Variants in ZMYM1 observed in about 807,000 individuals in gnomAD.
The protein encoded by ZMYM1 is zinc finger MYM-type containing 1, also known as zinc finger MYM-type protein 1.
In ZMYM1, 39 loss-of-function variants were observed where a neutral mutation model predicts 60.0. That is an observed-to-expected ratio of 0.65 (90% CI 0.50 to 0.85). The LOEUF is 0.85. Among genes scored for constraint, ZMYM1 ranks in the 40% least tolerant of loss-of-function variants. ZMYM1 has a pLI of 0.00. For missense variants in ZMYM1, 1,171 were observed against 1,309.5 expected (o/e 0.89, Z 1.63); for synonymous variants, 413 against 454.0 (o/e 0.91, Z 1.15).
intron 4 of ZMYM1, among the ~76,000 whole-genome samples, chr1:35,098,221 ATAT>A (rs1479539810): frequency 6.6e-6 from 1 of 152,188 alleles, no homozygotes; most frequent in African/African-American, 2.4e-5. Flanking sequence ...ATGTGGAATA[ATAT>A]TATATTTCTT....
At chr1:35,064,007 A>C (rs1235298613) in intron 1 of ZMYM1, among the ~76,000 whole-genome samples, 1 of 152,160 alleles carries the variant, frequency 6.6e-6, no homozygotes, top group Admixed American at 6.5e-5. Context: ...TATCCAGTAC[A>C]TCTGTAATCT....
In ZMYM1 at chr1:35,066,823, C is replaced by G. The variant is rs934064730; in HGVS notation, c.-301+6898C>G. Among the ~76,000 whole-genome samples the G allele has an allele frequency of 3.9e-5, 6 of 151,902 alleles. No individual in the cohort carries two copies. In the South Asian group the frequency reaches 1.0e-3, roughly 26 times the overall value. On this transcript the variant is annotated intron_variant, in intron 1 of 10. Coordinates refer to the ZMYM1 transcript ENST00000417119. Reference sequence around the variant, plus strand: ...TGGAGCCCAGGAGTTCAAGGCCAGCCTGGGCAACATAGCAAGACCCCATCT... The same window carrying G: ...TGGAGCCCAGGAGTTCAAGGCCAGCGTGGGCAACATAGCAAGACCCCATCT...
At chr1:35,108,498 C>G (rs975306729) in intron 6 of ZMYM1, among the ~76,000 whole-genome samples, 1 of 151,634 alleles carries the variant, frequency 6.6e-6, no homozygotes, top group Admixed American at 6.6e-5. Flanking sequence ...GTTACTTGGG[C>G]GCACACCACC....
At chr1:35,098,298 C>G (rs923040845) in intron 4 of ZMYM1, among the ~76,000 whole-genome samples, 1 of 152,036 alleles carries the variant, frequency 6.6e-6, no homozygotes. Context: ...CTACATGTCT[C>G]TATGTAATCT....
At chr1:35,074,187 T>C (rs1363699131) in intron 1 of ZMYM1, among the ~76,000 whole-genome samples, 3 of 152,176 alleles carry the variant, frequency 2.0e-5, no homozygotes, top group African/African-American at 7.2e-5. Context: ...ATTTCTGAAG[T>C]TTTTCTTATT....
chr1:35,086,414 C>T (rs1354788349), intron 1 of ZMYM1, among the ~76,000 whole-genome samples: 1 of 152,104 alleles, frequency 6.6e-6, no homozygotes, highest in African/African-American at 2.4e-5. Context: ...AGGTGATCCT[C>T]CTGCCTCAGC....
intron 1 of ZMYM1, among the ~76,000 whole-genome samples, chr1:35,061,160 A>C (rs1218433941): frequency 6.6e-6 from 1 of 152,254 alleles, no homozygotes; most frequent in Non-Finnish European, 1.5e-5. Context: ...ATGGATTCTT[A>C]GACTACAGAA....
chr1:35,106,414 G>A (rs1014166483), intron 6 of ZMYM1, among the ~76,000 whole-genome samples: 1 of 152,038 alleles, frequency 6.6e-6, no homozygotes, highest in African/African-American at 2.4e-5. Flanking sequence ...TTGGAGACCA[G>A]CCTGGCCAAC....
intron 4 of ZMYM1, among the ~76,000 whole-genome samples, chr1:35,103,034 TTGGTGCCACTGCC>T (rs1385098691): frequency 2.0e-5 from 3 of 152,218 alleles, no homozygotes; most frequent in African/African-American, 7.2e-5. Context: ...TTAGCACATT[TTGGTGCCACTGCC>T]TTGATTTCTG....
chr1:35,084,746 T>TCACTCTGTAAATGTGCAGTTTAGGAGTCC (rs2148494342), intron 1 of ZMYM1, among the ~76,000 whole-genome samples: 1 of 152,358 alleles, frequency 6.6e-6, no homozygotes, highest in East Asian at 1.9e-4. Context: ...TTTTGAAGTC[T>TCACTCTGTAAATGTGCAGTTTAGGAGTCC]CACTCTGTAA....
At chr1:35,081,067 A>T (rs1447537658) in intron 1 of ZMYM1, among the ~76,000 whole-genome samples, 1 of 151,838 alleles carries the variant, frequency 6.6e-6, no homozygotes. Flanking sequence ...TCAGCCTCCC[A>T]AGTAGCTGGG....
chr1:35,094,199 A>C (rs1643183956), intron 2 of ZMYM1, 116 bp downstream of exon 2: 1 of 766,036 alleles, frequency 1.3e-6, no homozygotes, highest in Non-Finnish European at 2.0e-6. Context: ...CCTCCAAAGC[A>C]GTTAATTAAA....
intron 6 of ZMYM1, among the ~76,000 whole-genome samples, chr1:35,107,304 C>CAAAA (rs1161051800): frequency 8.2e-5 from 9 of 109,792 alleles, no homozygotes; most frequent in Non-Finnish European, 9.9e-5. Context: ...ACTAAAAATA[C>CAAAA]AAAAAAAAAA....
intron 1 of ZMYM1, among the ~76,000 whole-genome samples, chr1:35,088,444 ATATATATATATGTGTGTGTG>A (rs1197469803): frequency 4.4e-5 from 5 of 113,838 alleles, no homozygotes; most frequent in African/African-American, 1.5e-4. Flanking sequence ...GTATATATAT[ATATATATATATGTGTGTGTG>A]TGTGTGTGTG....
At position 35,099,958 on chromosome 1, in the gene ZMYM1, T is replaced by G. The variant is rs561496914; in HGVS notation, c.419+2392T>G. 7.2e-4 allele frequency among the ~76,000 whole-genome samples: 109 copies of G among 152,182 alleles called. 1 individual carries two copies. The highest frequency in any genetic ancestry group is 2.8e-3 in the Admixed American group (43 of 15,268). On this transcript the variant is annotated intron_variant, in intron 4 of 9. Transcript: ENST00000359858. ...CAGGCCAGAGTGCAATGGTGCAATC[T>G]TGGCTTACTGCAACCTCCACCTCCT...
chr1:35,091,881 T>G (rs969695154), intron 1 of ZMYM1, among the ~76,000 whole-genome samples: 6 of 126,248 alleles, frequency 4.8e-5, no homozygotes, highest in Non-Finnish European at 8.5e-5. Flanking sequence ...GAGCGAGATC[T>G]TGTCTCAAAA....
Position 35,114,604 on chromosome 1 carries a change from G to A in ZMYM1, c.2774G>A (p.Cys925Tyr). 6.2e-7 allele frequency: 1 copy of A among 1,609,364 alleles called. No homozygotes were observed. The highest frequency in any genetic ancestry group is 8.5e-7 in the Non-Finnish European group (1 of 1,178,528). The change falls in exon 10 of 10, where the codon TGT becomes TAT. Residue 925 changes from cysteine to tyrosine, a missense_variant. Cys to Tyr is a radical substitution (Grantham distance 194, BLOSUM62 -2). Transcript: ENST00000359858. ...GAGGAAATATGTCAAAAAATAACCT[G>A]TAAAGGTTTTAAAGTTGAAAAACCT... The part of the protein sequence containing the change: ...GTEEICQKIT[C>Y]KGFKVEKPSL...
downstream of ZMYM1, among the ~76,000 whole-genome samples, chr1:35,116,830 C>T (rs1644253125): frequency 7.5e-6 from 1 of 132,620 alleles, no homozygotes; most frequent in Non-Finnish European, 1.6e-5. Context: ...ATATCTAGGC[C>T]TGGAATTTTT....
In ZMYM1 at chr1:35,097,317, C is replaced by T. The variant is rs376054016; in HGVS notation, c.170C>T (p.Ala57Val). The change falls in exon 4 of 10, where the codon GCT (alanine) becomes GTT (valine). Residue 57 changes from alanine (A) to valine (V), a missense_variant and splice_region_variant. Coordinates refer to ENST00000359858, the MANE Select transcript of ZMYM1 (RefSeq NM_024772.5). ...LKINAVFSESASQLTAGIQLS... is the reference protein window; with the variant it reads ...LKINAVFSESVSQLTAGIQLS... ...TTTTCTCCCTCTTGTGTTTTTATAG[C>T]TTCACAGTTGACTGCAGGCATTCAG... The T allele has an allele frequency of 5.0e-5, 79 of 1,587,412 alleles. No individual in the cohort carries two copies. In the African/African-American group the frequency reaches 1.0e-3, roughly 20 times the overall value.
Sources: gnomAD v4.1 joint callset for allele counts (sites outside exome capture counted in the v4.1 genomes callset) on GRCh38, gnomAD v4.1.1 for gene constraint, MANE v1.5 for transcripts, NCBI Gene and HGNC (gene_info 2026-07-23, HGNC 2026-07-21) for gene names.